Variants in NOL4L observed in about 807,000 individuals in gnomAD.
The protein encoded by NOL4L is nucleolar protein 4-like.
NOL4L carries 7 observed loss-of-function variants against 64.5 expected under a neutral mutation model. The ratio of observed to expected loss-of-function variants is 0.11; its 90% CI spans 0.06 to 0.20. The LOEUF is 0.20. Among genes scored for constraint, NOL4L ranks in the 10% least tolerant of loss-of-function variants. NOL4L has a pLI of 1.00. For missense variants in NOL4L, 680 were observed against 967.1 expected, an observed-to-expected ratio of 0.70 and a Z score of 3.94; for synonymous variants, 413 against 401.0, an observed-to-expected ratio of 1.03 and a Z score of -0.36.
At chr20:32,552,639 A>G (rs1174211857) in intron 1 of NOL4L, among the ~76,000 whole-genome samples, 1 of 151,698 alleles carries the variant, frequency 6.6e-6, no homozygotes, top group Admixed American at 6.6e-5. Flanking sequence ...GTGAGCCAAG[A>G]TCATGCCACT....
At chr20:32,481,386 T>G (rs1235209931) in intron 4 of NOL4L, among the ~76,000 whole-genome samples, 1 of 152,158 alleles carries the variant, frequency 6.6e-6, no homozygotes, top group Non-Finnish European at 1.5e-5. Flanking sequence ...GGAGCCGCTG[T>G]GAGCTAATCC....
chr20:32,544,234 G>A (rs1036792867), intron 1 of NOL4L, among the ~76,000 whole-genome samples: 6 of 151,544 alleles, frequency 4.0e-5, no homozygotes, highest in African/African-American at 1.2e-4. Flanking sequence ...ATCACTGGGG[G>A]AGAGAAGTGG....
chr20:32,563,526 C>T (rs143887381), intron 1 of NOL4L, among the ~76,000 whole-genome samples: 4 of 152,122 alleles, frequency 2.6e-5, no homozygotes, highest in East Asian at 1.9e-4. Context: ...GCTCAGGTGA[C>T]GTTCTGGGGT....
At chr20:32,487,252 G>A (rs2016127982) in intron 4 of NOL4L, among the ~76,000 whole-genome samples, 1 of 152,004 alleles carries the variant, frequency 6.6e-6, no homozygotes, top group Admixed American at 6.6e-5. Flanking sequence ...TGGGCGACAG[G>A]AGCGAAACTC....
At chr20:32,529,183 C>T (rs1185404234) in intron 1 of NOL4L, among the ~76,000 whole-genome samples, 2 of 152,294 alleles carry the variant, frequency 1.3e-5, no homozygotes, top group Admixed American at 6.5e-5. Flanking sequence ...CCTGTGACCC[C>T]GAGCACTTAC....
chr20:32,500,352 A>AT (rs778704594), intron 4 of NOL4L, among the ~76,000 whole-genome samples: 5,514 of 132,376 alleles, frequency 0.042, 173 homozygotes, highest in East Asian at 0.091. Flanking sequence ...GCCCAGCCAG[A>AT]TTTTTTTTTT....
intron 5 of NOL4L, among the ~76,000 whole-genome samples, chr20:32,468,363 C>T (rs899834006): frequency 1.3e-5 from 2 of 152,138 alleles, no homozygotes; most frequent in Non-Finnish European, 2.9e-5. Context: ...AAGAAACCCT[C>T]AATCCTGGCA....
intron 1 of NOL4L, among the ~76,000 whole-genome samples, chr20:32,559,193 T>G (rs1978847145): frequency 6.6e-6 from 1 of 152,154 alleles, no homozygotes; most frequent in African/African-American, 2.4e-5. Flanking sequence ...TTCCCTATCA[T>G]GAAGGCAGGG....
chr20:32,542,728 A>T (rs2145599154), intron 1 of NOL4L, among the ~76,000 whole-genome samples: 1 of 152,310 alleles, frequency 6.6e-6, no homozygotes, highest in Non-Finnish European at 1.5e-5. Flanking sequence ...TTCCCCAGCC[A>T]TAACATGAAG....
chr20:32,487,614 A>T lies in NOL4L; in HGVS notation c.700-12872T>A, dbSNP rs532969243. On this transcript the variant is annotated intron_variant, in intron 4 of 10. Transcript: ENST00000621426. The stretch of plus-strand genomic sequence containing the variant: ...GTGGGCCAGGGGGAGGGCAGGAGGG[A>T]TGAGCATCGGGGGGGCAAACAGGGC... 6.2e-4 allele frequency among the ~76,000 whole-genome samples: 94 copies of T among 152,126 alleles called. 1 individual carries two copies. Among genetic ancestry groups the T allele is most frequent in the Middle Eastern group, 3.4e-3 (1 of 294 alleles).
chr20:32,527,512 TC>T (rs1345922728), intron 2 of NOL4L, among the ~76,000 whole-genome samples: 1 of 152,018 alleles, frequency 6.6e-6, no homozygotes, highest in Non-Finnish European at 1.5e-5. Flanking sequence ...CTCATCCCTC[TC>T]CTTCCCTCCC....
Position 32,447,429 on chromosome 20 carries a change from A to AAAAAG in NOL4L, c.*166_*167insCTTTT, listed in dbSNP as rs374212206. The AAAAAG allele has an allele frequency of 2.9e-5, 22 of 758,002 alleles. No homozygotes were observed. The highest frequency in any genetic ancestry group is 7.2e-5 in the African/African-American group (4 of 55,932). The allele number at this position is 758,002 out of a possible 1,614,324, so 47.0% of individuals were successfully genotyped here. The stretch of plus-strand genomic sequence containing the variant: ...AAAAAAAAAAAAAAAAAAAAAAAAA[A>AAAAAG]GTGTCCTTGTGCCCAAAGTCTCAGG... On this transcript the variant is annotated 3_prime_UTR_variant, in exon 11 of 11. Transcript: ENST00000621426.
chr20:32,474,741 T>C lies in NOL4L; in HGVS notation c.701A>G (p.Asp234Gly). ...ATCCTCGCTGCTCACAGAAGTCTCATCCTGAGCAGGGACAAAGAAGGTGGG... is the reference window on the plus strand; with the variant it reads ...ATCCTCGCTGCTCACAGAAGTCTCACCCTGAGCAGGGACAAAGAAGGTGGG... ...KLRVMNSQEQ[D>G]ETSVSSEDFD... is the part of the protein sequence containing the mutation. The change falls in exon 5 of 11, where the codon GAT becomes GGT. Residue 234 changes from aspartate (D) to glycine (G), a missense_variant and splice_region_variant. By Grantham distance (94) the Asp-to-Gly change is moderately conservative (BLOSUM62 -1). This residue lies in a region of NOL4L where 181 missense variants were observed against 335.2 expected (regional missense o/e 0.54). Coordinates refer to ENST00000621426, the MANE Select transcript of NOL4L (RefSeq NM_001256798.2). 1 of 1,608,108 alleles carries C rather than the reference T, an allele frequency of 6.2e-7. No homozygotes were observed. The highest frequency in any genetic ancestry group is 8.5e-7 in the Non-Finnish European group (1 of 1,176,852).
intron 5 of NOL4L, among the ~76,000 whole-genome samples, chr20:32,465,648 G>A (rs2014478498): frequency 6.6e-6 from 1 of 152,228 alleles, no homozygotes; most frequent in African/African-American, 2.4e-5. Flanking sequence ...GCCACTCCAG[G>A]CCACCATGTG....
Position 32,536,242 on chromosome 20 carries a change from G to A in NOL4L, c.322-8329C>T, listed in dbSNP as rs563173461. 4.1e-6 allele frequency: 4 copies of A among 985,322 alleles called. No homozygotes were observed. In the East Asian group the frequency reaches 3.4e-4, roughly 84 times the overall value. 61.0% of individuals were successfully genotyped at this position (985,322 alleles called of 1,614,324 possible). The stretch of plus-strand genomic sequence containing the variant: ...GACAGGGAATCGGGAGTCACCGAAG[G>A]GGGGGTCCTAGGCGGAAGGAGGTAG... On this transcript the variant is annotated intron_variant, in intron 1 of 10. Coordinates refer to ENST00000621426, the MANE Select transcript of NOL4L (RefSeq NM_001256798.2).
At chr20:32,457,049 G>C (rs1392955429) in intron 5 of NOL4L, among the ~76,000 whole-genome samples, 1 of 152,240 alleles carries the variant, frequency 6.6e-6, no homozygotes, top group African/African-American at 2.4e-5. Flanking sequence ...GGGGCTGCAA[G>C]GTCTGGGGTC....
At chr20:32,568,954 G>A (rs183649685) in intron 1 of NOL4L, among the ~76,000 whole-genome samples, 320 of 152,266 alleles carry the variant, frequency 2.1e-3, no homozygotes, top group Non-Finnish European at 3.5e-3. Context: ...GGAGAAAACT[G>A]AGGCACAAAA....
chr20:32,584,133 G>GCGCGCACACACACACACACA (rs1555811186), intron 1 of NOL4L, among the ~76,000 whole-genome samples: 1 of 88,822 alleles, frequency 1.1e-5, no homozygotes, highest in African/African-American at 5.2e-5. Context: ...CTCCGCGCGC[G>GCGCGCACACACACACACACA]CACACACACA....
At chr20:32,524,183 G>T (rs2145577334) in intron 2 of NOL4L, among the ~76,000 whole-genome samples, 1 of 152,302 alleles carries the variant, frequency 6.6e-6, no homozygotes. Context: ...AAAAGGACTA[G>T]CCCTCTGTGT....
Sources: gnomAD v4.1 joint callset for allele counts (sites outside exome capture counted in the v4.1 genomes callset) on GRCh38, gnomAD v4.1.1 for gene constraint, gnomAD v4.1.1 regional missense constraint, MANE v1.5 for transcripts, NCBI Gene and HGNC (gene_info 2026-07-23, HGNC 2026-07-21) for gene names.